The following AKAP19 variants were observed in gnomAD, a reference collection of about 807,000 sequenced individuals.
The protein encoded by AKAP19 is small A-kinase anchoring protein.
At chr2:190,085,154 G>A in the AKAP19 span, among the ~76,000 whole-genome samples, 8 of 152,136 alleles carry the variant, frequency 5.3e-5, no homozygotes, top group Non-Finnish European at 1.0e-4. Flanking sequence ...TGTGCTTGAG[G>A]GGAGGGAAAG....
At chr2:190,056,651 G>A in the AKAP19 span, 7 of 152,640 alleles carry the variant, frequency 4.6e-5, no homozygotes, top group South Asian at 1.4e-3. Context: ...TTTTTTATGT[G>A]ATAAACCTGG....
chr2:190,031,483 TCTTAAAAGA>T, the AKAP19 span, among the ~76,000 whole-genome samples: 1 of 152,334 alleles, frequency 6.6e-6, no homozygotes, highest in East Asian at 1.9e-4. Flanking sequence ...ATCAGAGAGC[TCTTAAAAGA>T]CTTTATTTTT....
chr2:189,974,037 C>G, the AKAP19 span, among the ~76,000 whole-genome samples: 6 of 151,952 alleles, frequency 3.9e-5, no homozygotes, highest in Admixed American at 1.3e-4. Context: ...GAATTTGTTT[C>G]TTCTTGCTTC....
chr2:189,991,744 C>A, the AKAP19 span, among the ~76,000 whole-genome samples: 3 of 152,032 alleles, frequency 2.0e-5, no homozygotes, highest in African/African-American at 7.2e-5. Context: ...CATTTGCTTT[C>A]GGGTTCTTGG....
At chr2:190,053,266 T>C in the AKAP19 span, among the ~76,000 whole-genome samples, 1 of 152,214 alleles carries the variant, frequency 6.6e-6, no homozygotes, top group Non-Finnish European at 1.5e-5. Context: ...GGCAGCCTCA[T>C]ATGTAAAATC....
At chr2:190,142,267 AT>A in the AKAP19 span, among the ~76,000 whole-genome samples, 33 of 152,322 alleles carry the variant, frequency 2.2e-4, no homozygotes, top group African/African-American at 7.9e-4. Context: ...GCACAGTTTC[AT>A]TACTTCCATT....
At chr2:189,995,836 C>T in the AKAP19 span, among the ~76,000 whole-genome samples, 3 of 151,880 alleles carry the variant, frequency 2.0e-5, no homozygotes, top group Non-Finnish European at 4.4e-5. Context: ...GAATTCTCTC[C>T]ACTACCTTCA....
At chr2:190,142,891 A>T in the AKAP19 span, among the ~76,000 whole-genome samples, 1 of 152,184 alleles carries the variant, frequency 6.6e-6, no homozygotes, top group Non-Finnish European at 1.5e-5. Flanking sequence ...AGAGTCACCC[A>T]CAAGGGGGTT....
chr2:189,951,517 A>T, the AKAP19 span, among the ~76,000 whole-genome samples: 1 of 152,058 alleles, frequency 6.6e-6, no homozygotes, highest in East Asian at 1.9e-4. Flanking sequence ...CTTCCTCTTC[A>T]GTATCTTTGT....
At chr2:190,064,444 T>C in the AKAP19 span, among the ~76,000 whole-genome samples, 12 of 152,134 alleles carry the variant, frequency 7.9e-5, no homozygotes, top group Non-Finnish European at 1.8e-4. Context: ...TGTATAGCAG[T>C]TGAATTGAGA....
At chr2:190,148,953 C>CTTTTTTTTTTTTTTT in the AKAP19 span, among the ~76,000 whole-genome samples, 5 of 134,088 alleles carry the variant, frequency 3.7e-5, no homozygotes, top group African/African-American at 1.1e-4. Flanking sequence ...TCTTTTCTTT[C>CTTTTTTTTTTTTTTT]TTTTTTTTTT....
the AKAP19 span, among the ~76,000 whole-genome samples, chr2:190,133,163 A>C: frequency 7.0e-6 from 1 of 142,156 alleles, no homozygotes; most frequent in Non-Finnish European, 1.5e-5. Flanking sequence ...GCGTGAACCC[A>C]GGAGGCGGAG....
the AKAP19 span, among the ~76,000 whole-genome samples, chr2:189,970,410 T>C: frequency 2.0e-5 from 3 of 152,312 alleles, no homozygotes; most frequent in Non-Finnish European, 4.4e-5. Flanking sequence ...TTTAGAATAC[T>C]TTTATTAGTT....
chr2:190,109,998 T>C, the AKAP19 span, among the ~76,000 whole-genome samples: 1 of 152,206 alleles, frequency 6.6e-6, no homozygotes, highest in Admixed American at 6.5e-5. Context: ...GCTCCAGAGC[T>C]TCTGATTCAG....
At chr2:190,176,565 G>GACT in the AKAP19 span, among the ~76,000 whole-genome samples, 5 of 152,172 alleles carry the variant, frequency 3.3e-5, no homozygotes, top group Non-Finnish European at 7.3e-5. This position sits in a 1 kb window ranked among gnomAD's most constrained non-coding sequence, Gnocchi z 4.7. Context: ...GGCCAGGCTG[G>GACT]TCTCAAACTC....
At chr2:189,880,310 T>G in the AKAP19 span, among the ~76,000 whole-genome samples, 13 of 152,282 alleles carry the variant, frequency 8.5e-5, 1 homozygote, top group African/African-American at 2.6e-4. Flanking sequence ...TGGGCTTGGG[T>G]CTACACTGAA....
At chr2:190,057,096 A>T in the AKAP19 span, 4 of 696,778 alleles carry the variant, frequency 5.7e-6, no homozygotes, top group Non-Finnish European at 9.5e-6. Context: ...AATGCCAACC[A>T]TTGCATATAT....
chr2:189,964,264 A>T, the AKAP19 span, among the ~76,000 whole-genome samples: 1 of 152,192 alleles, frequency 6.6e-6, no homozygotes, highest in South Asian at 2.1e-4. Flanking sequence ...AGGTCTCAAC[A>T]GTGGGCTTAA....
chr2:190,194,000 CTA>C, the AKAP19 span, among the ~76,000 whole-genome samples: 3 of 152,064 alleles, frequency 2.0e-5, no homozygotes. Context: ...TTAGTTGAAA[CTA>C]TATTTTAATT....
Sources: gnomAD v4.1 joint callset for allele counts (sites outside exome capture counted in the v4.1 genomes callset) on GRCh38, gnomAD v4.1.1 for gene constraint, Gnocchi (gnomAD v3.1) non-coding constraint, MANE v1.5 for transcripts, NCBI Gene and HGNC (gene_info 2026-07-23, HGNC 2026-07-21) for gene names.